CFAP43: variants seen among roughly 807,000 people sequenced by gnomAD.
The protein encoded by CFAP43 is cilia and flagella associated protein 43.
A neutral mutation model predicts 218.9 loss-of-function variants in CFAP43; 155 were observed. The ratio of observed to expected loss-of-function variants is 0.71; its 90% CI spans 0.62 to 0.81. CFAP43 has a LOEUF of 0.81. Among genes scored for constraint, CFAP43 ranks in the 30% least tolerant of loss-of-function variants. The pLI, the probability that CFAP43 is intolerant of heterozygous loss-of-function variation, is 0.00. For missense variants in CFAP43, 1,778 were observed against 1,954.3 expected (o/e 0.91, Z 1.70); for synonymous variants, 645 against 681.3 (o/e 0.95, Z 0.83).
intron 7 of CFAP43, 70 bp downstream of exon 7, chr10:104,205,893 A>G: frequency 7.6e-7 from 1 of 1,310,862 alleles, no homozygotes; most frequent in East Asian, 2.3e-5. Context: ...GGCTCATAAT[A>G]GTAAATGGCA....
chr10:104,165,004 C>G (rs1022792204), intron 23 of CFAP43, among the ~76,000 whole-genome samples: 3 of 152,190 alleles, frequency 2.0e-5, no homozygotes, highest in Non-Finnish European at 4.4e-5. Context: ...CATGTCTTTT[C>G]TTTGGAACCT....
At chr10:104,137,063 T>G (rs1201634006) in intron 34 of CFAP43, among the ~76,000 whole-genome samples, 1 of 152,206 alleles carries the variant, frequency 6.6e-6, no homozygotes, top group Non-Finnish European at 1.5e-5. Context: ...AAAACAGTTT[T>G]TAGTGCCTCA....
intron 2 of CFAP43, 149 bp downstream of exon 2, chr10:104,230,441 G>C (rs1380786327): frequency 4.7e-5 from 48 of 1,024,468 alleles, no homozygotes; most frequent in Non-Finnish European, 6.4e-5. Context: ...CTCCAGCCTA[G>C]GCAACAGGGC....
intron 5 of CFAP43, among the ~76,000 whole-genome samples, chr10:104,209,434 A>G (rs909625170): frequency 1.3e-5 from 2 of 152,214 alleles, no homozygotes; most frequent in African/African-American, 4.8e-5. Flanking sequence ...ATATATCCAC[A>G]TAGCAAAACT....
At chr10:104,179,790 G>C in intron 18 of CFAP43, 50 bp downstream of exon 18, 1 of 1,330,550 alleles carries the variant, frequency 7.5e-7, no homozygotes, top group Non-Finnish European at 1.1e-6. Context: ...TAATCTATTT[G>C]GTGCATCTAC....
chr10:104,185,325 C>G (rs957032943), intron 15 of CFAP43, among the ~76,000 whole-genome samples, 179 bp from the exon 16 acceptor site: 2 of 152,082 alleles, frequency 1.3e-5, no homozygotes, highest in African/African-American at 4.8e-5. Context: ...CCAGTTCAAA[C>G]CACATTCACC....
intron 18 of CFAP43, 83 bp from the exon 19 acceptor site, chr10:104,179,189 C>A: frequency 8.3e-7 from 1 of 1,205,200 alleles, no homozygotes. Flanking sequence ...GAGCAATTCT[C>A]TAGAAACAGA....
chr10:104,195,746 T>C (rs2090364383), intron 10 of CFAP43, among the ~76,000 whole-genome samples: 1 of 152,244 alleles, frequency 6.6e-6, no homozygotes, highest in Non-Finnish European at 1.5e-5. Flanking sequence ...TGTTATTTTA[T>C]GCAAAATGCA....
intron 3 of CFAP43, among the ~76,000 whole-genome samples, chr10:104,220,057 A>C (rs2091134971): frequency 6.6e-6 from 1 of 152,174 alleles, no homozygotes; most frequent in East Asian, 1.9e-4. Flanking sequence ...ATGGGCCCTA[A>C]TCCAATAAGT....
At chr10:104,199,952 G>C (rs759641566) in intron 8 of CFAP43, among the ~76,000 whole-genome samples, 5 of 141,654 alleles carry the variant, frequency 3.5e-5, no homozygotes, top group African/African-American at 1.3e-4. Context: ...TTATTGGGGG[G>C]TCTGAAGAAA....
chr10:104,232,055 A>C, intron 1 of CFAP43, 127 bp downstream of exon 1: 1 of 1,034,352 alleles, frequency 9.7e-7, no homozygotes, highest in Non-Finnish European at 1.4e-6. Context: ...CACTGGGGGC[A>C]GAGGGGAAGA....
chr10:104,213,886 G>T (rs2090937439), intron 4 of CFAP43, among the ~76,000 whole-genome samples: 1 of 152,082 alleles, frequency 6.6e-6, no homozygotes, highest in African/African-American at 2.4e-5. Flanking sequence ...AATTCCAGTA[G>T]GGCATCTGAG....
rs777566424 is a variant in CFAP43, at chr10:104,142,319, C to T, written c.4233G>A (p.Val1411=). 2 of 1,613,634 alleles carry T rather than the reference C, an allele frequency of 1.2e-6. No individual in the cohort carries two copies. Among genetic ancestry groups the T allele is most frequent in the Non-Finnish European group, 8.5e-7 (1 of 1,179,796 alleles). The change falls in exon 33 of 38, where the codon GTG becomes GTA. Residue 1411 remains valine, a synonymous_variant. Transcript: ENST00000357060. ...GGAACACTCTCTCAATCTCCTGTTG[C>T]ACCTTCTCTTCCTCCTCAACTCTCT... is the stretch of plus-strand genomic sequence containing the variant. The part of the protein sequence containing the change: ...LQKRVEEEEK[V]QQEIERVFHE...
At chr10:104,152,850 C>T (rs2088340418) in intron 27 of CFAP43, 124 bp from the exon 28 acceptor site, 1 of 981,392 alleles carries the variant, frequency 1.0e-6, no homozygotes, top group Non-Finnish European at 1.5e-6. Context: ...GTTCTGGGCT[C>T]TGTACTCTCT....
chr10:104,210,276 A>C (rs1462490680), intron 5 of CFAP43, among the ~76,000 whole-genome samples: 2 of 152,256 alleles, frequency 1.3e-5, no homozygotes, highest in Admixed American at 6.5e-5. Context: ...CATTCATTAG[A>C]GGAAATATTA....
At chr10:104,166,966 T>C (rs74670216) in intron 22 of CFAP43, among the ~76,000 whole-genome samples, 198 of 152,346 alleles carry the variant, frequency 1.3e-3, no homozygotes, top group African/African-American at 4.6e-3. Flanking sequence ...ATTTATATCT[T>C]TCTGTCAGTA....
At chr10:104,161,330 A>C (rs375609321) in intron 26 of CFAP43, among the ~76,000 whole-genome samples, 168 bp from the exon 27 acceptor site, 59 of 152,312 alleles carry the variant, frequency 3.9e-4, no homozygotes, top group African/African-American at 1.4e-3. Flanking sequence ...ATTTTACAAC[A>C]GTTCTTCTGT....
chr10:104,205,117 G>T (rs1242850275), intron 7 of CFAP43, among the ~76,000 whole-genome samples: 2 of 149,660 alleles, frequency 1.3e-5, no homozygotes, highest in Middle Eastern at 3.4e-3. Context: ...GGAGGCTGAG[G>T]CAGGAGAATG....
chr10:104,207,799 A>G lies in CFAP43; in HGVS notation c.761T>C (p.Leu254Pro). 1 of 1,613,788 alleles carries G rather than the reference A, an allele frequency of 6.2e-7. No homozygotes were observed. The change falls in exon 6 of 38, where the codon CTT becomes CCT. Residue 254 changes from leucine (L) to proline (P), a missense_variant. By Grantham distance (98) the Leu-to-Pro change is moderately conservative. This residue lies in a region of CFAP43 where 1,553 missense variants were observed against 1,685.2 expected (regional missense o/e 0.92). Transcript: ENST00000357060. ...FRPKDDLYPL[L>P]HPTMHCWTPT... ...AGTCCAGCAATGCATAGTCGGGTGA[A>G]GCAAAGGATATAGATCATCTTTCGG...
Sources: gnomAD v4.1 joint callset for allele counts (sites outside exome capture counted in the v4.1 genomes callset) on GRCh38, gnomAD v4.1.1 for gene constraint, gnomAD v4.1.1 regional missense constraint, MANE v1.5 for transcripts, NCBI Gene and HGNC (gene_info 2026-07-23, HGNC 2026-07-21) for gene names.